The following TMEM132D variants were observed in gnomAD, a reference collection of about 807,000 sequenced individuals.
TMEM132D encodes the protein transmembrane protein 132D.
A neutral mutation model predicts 62.3 loss-of-function variants in TMEM132D; 21 were observed. That is an observed-to-expected ratio of 0.34 (90% CI 0.24 to 0.49). TMEM132D has a LOEUF of 0.49. TMEM132D is among the 20% of genes least tolerant of loss of function. TMEM132D has a pLI of 0.99. For missense variants in TMEM132D, 1,346 were observed against 1,402.8 expected, an observed-to-expected ratio of 0.96 and a Z score of 0.65; for synonymous variants, 621 against 575.6, an observed-to-expected ratio of 1.08 and a Z score of -1.13.
chr12:129,103,741 C>T lies in TMEM132D; in HGVS notation c.1444-19039G>A, dbSNP rs188127853. On this transcript the variant is annotated intron_variant, in intron 5 of 8. Transcript: ENST00000422113. ...ACAAAATCACAAGCATTCCTATACA[C>T]CAACAACAGACAAACAGAGAGCCAA... is the stretch of plus-strand genomic sequence containing the variant. 1.3e-4 allele frequency among the ~76,000 whole-genome samples: 20 copies of T among 152,292 alleles called. No individual in the cohort carries two copies. The East Asian group carries it at 3.3e-3, about 25-fold the overall frequency.
chr12:129,300,031 C>A (rs1475669621), intron 4 of TMEM132D, among the ~76,000 whole-genome samples: 1 of 152,140 alleles, frequency 6.6e-6, no homozygotes, highest in Non-Finnish European at 1.5e-5. Flanking sequence ...AAGAAATAAA[C>A]CTCACACCTT....
intron 3 of TMEM132D, among the ~76,000 whole-genome samples, chr12:129,357,377 G>A (rs1161768830): frequency 2.7e-5 from 4 of 145,532 alleles, no homozygotes; most frequent in Admixed American, 1.4e-4. Flanking sequence ...AAAGGAAGGA[G>A]GGAGGGAGGG....
At chr12:129,577,981 A>G (rs1270831926) in intron 2 of TMEM132D, among the ~76,000 whole-genome samples, 3 of 152,218 alleles carry the variant, frequency 2.0e-5, no homozygotes, top group Admixed American at 2.0e-4. Context: ...ATCCTCGCCA[A>G]TTCACCATCC....
rs73439525 is a variant in TMEM132D at position 129,582,329 on chromosome 12, T to C, written c.969-51124A>G. On this transcript the variant is annotated intron_variant, in intron 2 of 8. Transcript: ENST00000422113. ...ATCAGCCATGCTGCAGTGGAACTCA[T>C]CTGACACTTAGTTTACTTCGGAGTG... Among the ~76,000 whole-genome samples the C allele has an allele frequency of 5.5e-3, 833 of 152,322 alleles. 14 individuals carry two copies. Among genetic ancestry groups the C allele is most frequent in the African/African-American group, 0.019 (792 of 41,568 alleles).
intron 4 of TMEM132D, among the ~76,000 whole-genome samples, chr12:129,230,717 G>A (rs1174289019): frequency 6.6e-6 from 1 of 152,194 alleles, no homozygotes; most frequent in Non-Finnish European, 1.5e-5. Flanking sequence ...GTATTCTTCT[G>A]CCTAGCTGAT....
intron 2 of TMEM132D, among the ~76,000 whole-genome samples, chr12:129,536,972 G>C (rs549529206): frequency 6.6e-6 from 1 of 152,140 alleles, no homozygotes. Context: ...GCTTGACTAA[G>C]ATGGAGAAAC....
intron 7 of TMEM132D, among the ~76,000 whole-genome samples, chr12:129,081,292 C>T (rs986910670): frequency 2.0e-5 from 3 of 152,224 alleles, no homozygotes; most frequent in Non-Finnish European, 4.4e-5. Flanking sequence ...CACATCATTA[C>T]ATGGCTTGCA....
At chr12:129,322,922 A>C (rs370517715) in intron 4 of TMEM132D, among the ~76,000 whole-genome samples, 1 of 152,146 alleles carries the variant, frequency 6.6e-6, no homozygotes, top group East Asian at 1.9e-4. Context: ...TTGCTTTTCC[A>C]TATGTTGTCT....
At chr12:129,103,649 C>T (rs906171205) in intron 5 of TMEM132D, among the ~76,000 whole-genome samples, 5 of 152,352 alleles carry the variant, frequency 3.3e-5, no homozygotes, top group Non-Finnish European at 7.3e-5. Context: ...TCCTAAAGTG[C>T]TGGGATTACA....
At chr12:129,539,820 T>C (rs1312492559) in intron 2 of TMEM132D, among the ~76,000 whole-genome samples, 2 of 152,166 alleles carry the variant, frequency 1.3e-5, no homozygotes, top group African/African-American at 4.8e-5. Flanking sequence ...CCTGGTCTCT[T>C]TTCTCTACCA....
chr12:129,494,215 G>A (rs117868319), intron 3 of TMEM132D, among the ~76,000 whole-genome samples: 187 of 152,302 alleles, frequency 1.2e-3, no homozygotes, highest in Middle Eastern at 3.4e-3. Context: ...AGAGAGCCGC[G>A]CTTCTCTTGT....
At chr12:129,243,744 G>A (rs1879996813) in intron 4 of TMEM132D, among the ~76,000 whole-genome samples, 1 of 152,042 alleles carries the variant, frequency 6.6e-6, no homozygotes, top group African/African-American at 2.4e-5. Flanking sequence ...TTCTTTAATG[G>A]GATTTTCTTT....
At chr12:129,875,027 A>T (rs1874372185) in intron 1 of TMEM132D, among the ~76,000 whole-genome samples, 1 of 152,258 alleles carries the variant, frequency 6.6e-6, no homozygotes, top group Non-Finnish European at 1.5e-5. Context: ...ATGATATTGC[A>T]TCACATATAA....
At chr12:129,612,198 A>G (rs1878795338) in intron 2 of TMEM132D, among the ~76,000 whole-genome samples, 1 of 152,308 alleles carries the variant, frequency 6.6e-6, no homozygotes, top group East Asian at 1.9e-4. Context: ...CCCTACACTG[A>G]GCATGGGGGT....
At chr12:129,332,355 C>A (rs1371102532) in intron 4 of TMEM132D, among the ~76,000 whole-genome samples, 1 of 152,008 alleles carries the variant, frequency 6.6e-6, no homozygotes, top group East Asian at 1.9e-4. Flanking sequence ...TTGAAGAAGA[C>A]TTCAAGAAAA....
intron 5 of TMEM132D, among the ~76,000 whole-genome samples, chr12:129,130,907 G>A (rs1334620284): frequency 6.6e-6 from 1 of 152,182 alleles, no homozygotes; most frequent in African/African-American, 2.4e-5. Flanking sequence ...CACCCATTGG[G>A]ATTGTCTGGG....
chr12:129,118,627 A>T (rs1343923644), intron 5 of TMEM132D, among the ~76,000 whole-genome samples: 4 of 152,236 alleles, frequency 2.6e-5, no homozygotes, highest in African/African-American at 9.6e-5. Context: ...TCCAATTAAC[A>T]TCAAAGCAAA....
In TMEM132D at chr12:129,074,071, G is replaced by A; in HGVS notation, c.3104C>T (p.Pro1035Leu). 1 of 1,614,056 alleles carries A rather than the reference G, an allele frequency of 6.2e-7. No homozygotes were observed. The highest frequency in any genetic ancestry group is 8.5e-7 in the Non-Finnish European group (1 of 1,179,992). ...TTTCCTTTTTGAGGTAGGGGATGTT[G>A]GGGGCTCACTTTTCTGATCTTTCCC... Reference protein sequence around the residue: ...IDGKDQKSEPPTSPTSKRKRV... With the variant: ...IDGKDQKSEPLTSPTSKRKRV... Residue 1035 changes from proline to leucine, a missense_variant, in exon 9 of 9, where the codon CCA (proline) becomes CTA (leucine). Transcript: ENST00000422113.
At chr12:129,737,809 T>C (rs1370451728) in intron 1 of TMEM132D, among the ~76,000 whole-genome samples, 4 of 152,234 alleles carry the variant, frequency 2.6e-5, no homozygotes, top group African/African-American at 9.6e-5. Flanking sequence ...ACATTCAAAA[T>C]ACTCATTATG....
Sources: allele counts gnomAD v4.1 joint callset (sites outside exome capture counted in the v4.1 genomes callset), GRCh38; gene constraint gnomAD v4.1.1; transcripts MANE v1.5; gene names NCBI Gene and HGNC (gene_info 2026-07-23, HGNC 2026-07-21).